CORIN: variants seen among roughly 807,000 people sequenced by gnomAD.
CORIN encodes the protein atrial natriuretic peptide-converting enzyme.
Under a neutral mutation model 125.3 loss-of-function variants are expected in CORIN, and 117 were observed. The ratio of observed to expected loss-of-function variants is 0.93; its 90% confidence interval spans 0.80 to 1.09. The LOEUF is 1.09. Ranked by LOEUF, CORIN falls within the 50% of genes least tolerant of loss-of-function variation. CORIN has a pLI of 0.00. For synonymous variants in CORIN, 450 were observed against 466.4 expected (o/e 0.96, Z 0.45); for missense variants, 1,253 against 1,306.7 (o/e 0.96, Z 0.63).
At chr4:47,614,922 A>G (rs937380383) in intron 19 of CORIN, among the ~76,000 whole-genome samples, 1 of 152,246 alleles carries the variant, frequency 6.6e-6, no homozygotes, top group Non-Finnish European at 1.5e-5. Flanking sequence ...TATCTCGGGC[A>G]CTTAGAAGTA....
chr4:47,595,788 C>T lies in CORIN; in HGVS notation c.3062G>A (p.Ser1021Asn), dbSNP rs756539875. The change falls in exon 22 of 22, where the codon AGT becomes AAT. Residue 1021 changes from serine to asparagine, a missense_variant. By Grantham distance (46) the Ser-to-Asn change is conservative. Transcript: ENST00000273857. ...FSKVLGPGVY[S>N]NVSYFVEWIK... is the part of the protein sequence containing the mutation. ...CCATTCGACGAAATATGACACATTA[C>T]TATAAACGCCAGGCCCCAGGACTTT... The T allele has an allele frequency of 1.9e-6, 3 of 1,613,470 alleles. No individual in the cohort carries two copies. Among genetic ancestry groups the T allele is most frequent in the Admixed American group, 1.7e-5 (1 of 59,890 alleles).
intron 5 of CORIN, among the ~76,000 whole-genome samples, chr4:47,722,261 A>C (rs1442153672): frequency 6.6e-6 from 1 of 152,198 alleles, no homozygotes; most frequent in Non-Finnish European, 1.5e-5. Context: ...AGAGATATAC[A>C]AGGGCTTTCC....
intron 10 of CORIN, among the ~76,000 whole-genome samples, chr4:47,668,129 C>T (rs1724564223): frequency 6.6e-6 from 1 of 152,184 alleles, no homozygotes; most frequent in Non-Finnish European, 1.5e-5. Flanking sequence ...GCTTCCAGAA[C>T]TGTGAGAAAT....
rs751911873 is a variant in CORIN at position 47,603,351 on chromosome 4, G to C, written c.2812+46C>G. On this transcript the variant is annotated intron_variant, in intron 20 of 21. Coordinates refer to ENST00000273857, the MANE Select transcript of CORIN (RefSeq NM_006587.4). ...TCCTTTATAAATTACCCACTCTCAGGTATGTGCTTATAGCAGCATGAGAAT... is the reference window on the plus strand; with the variant it reads ...TCCTTTATAAATTACCCACTCTCAGCTATGTGCTTATAGCAGCATGAGAAT... 10 of 1,575,830 alleles carry C rather than the reference G, an allele frequency of 6.3e-6. No individual in the cohort carries two copies. The Admixed American group carries it at 8.4e-5, about 13-fold the overall frequency.
intron 4 of CORIN, among the ~76,000 whole-genome samples, chr4:47,759,256 C>T (rs1459938920): frequency 6.6e-6 from 1 of 151,966 alleles, no homozygotes; most frequent in Non-Finnish European, 1.5e-5. Flanking sequence ...ATGTAAGGGC[C>T]CAAACTATGA....
chr4:47,674,571 A>G, intron 9 of CORIN, 71 bp from the exon 10 acceptor site: 1 of 932,168 alleles, frequency 1.1e-6, no homozygotes, highest in Non-Finnish European at 1.8e-6. Context: ...CTAAAAGATC[A>G]GGAATGTCTG....
intron 16 of CORIN, among the ~76,000 whole-genome samples, chr4:47,635,923 G>C (rs1179139993): frequency 6.6e-6 from 1 of 152,168 alleles, no homozygotes; most frequent in Non-Finnish European, 1.5e-5. Context: ...GTCAACTCCT[G>C]ATGGATTATT....
At chr4:47,822,163 T>C (rs1183940447) in intron 1 of CORIN, among the ~76,000 whole-genome samples, 1 of 152,206 alleles carries the variant, frequency 6.6e-6, no homozygotes, top group African/African-American at 2.4e-5. Flanking sequence ...AAACAAAATG[T>C]ATTTACTTTT....
intron 10 of CORIN, among the ~76,000 whole-genome samples, chr4:47,670,263 T>A (rs4695266): frequency 0.019 from 2,952 of 152,336 alleles, 105 homozygotes; most frequent in African/African-American, 0.066. Flanking sequence ...AGATGCTCCA[T>A]GTCTTCATTC....
intron 5 of CORIN, among the ~76,000 whole-genome samples, chr4:47,714,332 A>G (rs1470661578): frequency 1.3e-5 from 2 of 152,238 alleles, no homozygotes; most frequent in Non-Finnish European, 2.9e-5. Flanking sequence ...TGTAAGAAAA[A>G]AAATCTACTT....
rs543562166 is a variant in CORIN, at chr4:47,763,532, G to A, written c.464C>T (p.Thr155Met). 1.7e-5 allele frequency: 27 copies of A among 1,614,174 alleles called. No homozygotes were observed. The highest frequency in any genetic ancestry group is 4.4e-5 in the South Asian group (4 of 91,076). Reference protein sequence around the residue: ...SQCQMLPYHATLTPLLSVVRN... With the variant: ...SQCQMLPYHAMLTPLLSVVRN... ...GACAACTGAGAGGAGAGGTGTCAGC[G>A]TGGCGTGGTAGGGCAGCATCTGACA... is the stretch of plus-strand genomic sequence containing the variant. Residue 155 changes from threonine to methionine, a missense_variant, in exon 4 of 22, where the codon ACG becomes ATG. By Grantham distance (81) the Thr-to-Met change is moderately conservative. Transcript: ENST00000273857.
chr4:47,669,297 T>C (rs1270337330), intron 10 of CORIN, among the ~76,000 whole-genome samples: 3 of 152,228 alleles, frequency 2.0e-5, no homozygotes, highest in Non-Finnish European at 4.4e-5. Context: ...CTAGAAATCA[T>C]GTATTAAGCG....
intron 5 of CORIN, among the ~76,000 whole-genome samples, chr4:47,724,289 AGAGT>A (rs1200414776): frequency 2.0e-5 from 3 of 152,314 alleles, no homozygotes; most frequent in Admixed American, 2.0e-4. Context: ...ATGACAAGAC[AGAGT>A]AAGTGAACTT....
chr4:47,677,087 A>C (rs913455420), intron 9 of CORIN, among the ~76,000 whole-genome samples: 1 of 152,230 alleles, frequency 6.6e-6, no homozygotes, highest in Non-Finnish European at 1.5e-5. Context: ...ATGAATATAC[A>C]CAGCCCAAGA....
Position 47,601,434 on chromosome 4 carries a change from C to T in CORIN, c.2813-1087G>A, listed in dbSNP as rs186055235. 2.6e-3 allele frequency among the ~76,000 whole-genome samples: 398 copies of T among 152,026 alleles called. 1 individual carries two copies. The highest frequency in any genetic ancestry group is 3.3e-3 in the Non-Finnish European group (222 of 68,000). ...CTTGGCTCACTGCAGCCTCCACCTTCAAGGCTCAAGAAATCCTCCCACCTC... is the reference window on the plus strand; with the variant it reads ...CTTGGCTCACTGCAGCCTCCACCTTTAAGGCTCAAGAAATCCTCCCACCTC... On this transcript the variant is annotated intron_variant, in intron 20 of 21. Transcript: ENST00000273857.
intron 10 of CORIN, among the ~76,000 whole-genome samples, chr4:47,672,649 C>G (rs114348646): frequency 0.029 from 4,350 of 151,974 alleles, 228 homozygotes; most frequent in African/African-American, 0.099. Flanking sequence ...TATATACACA[C>G]ATATATACAC....
intron 5 of CORIN, among the ~76,000 whole-genome samples, chr4:47,721,192 A>G (rs553319229): frequency 2.9e-4 from 44 of 152,196 alleles, no homozygotes; most frequent in Admixed American, 1.2e-3. Flanking sequence ...GAGAGCACAC[A>G]AGAGCGCTCT....
chr4:47,781,964 G>A (rs1233471221), intron 3 of CORIN, among the ~76,000 whole-genome samples: 1 of 151,496 alleles, frequency 6.6e-6, no homozygotes, highest in Non-Finnish European at 1.5e-5. Context: ...ATCAAAAATG[G>A]TTAGAAGAAA....
chr4:47,751,267 T>A (rs1728885635), intron 4 of CORIN, among the ~76,000 whole-genome samples: 1 of 152,198 alleles, frequency 6.6e-6, no homozygotes. Context: ...ATACATTATT[T>A]TTTCGGGGAG....
Sources: allele counts gnomAD v4.1 joint callset (sites outside exome capture counted in the v4.1 genomes callset), GRCh38; gene constraint gnomAD v4.1.1; transcripts MANE v1.5; gene names NCBI Gene and HGNC (gene_info 2026-07-23, HGNC 2026-07-21).